The following ARSK variants were observed in gnomAD, a reference collection of about 807,000 sequenced individuals.
ARSK encodes arylsulfatase K.
Under a neutral mutation model 53.2 loss-of-function variants are expected in ARSK, and 37 were observed. The ratio of observed to expected loss-of-function variants is 0.70; its 90% confidence interval spans 0.54 to 0.92. The LOEUF (loss-of-function observed/expected upper bound fraction) is 0.92. ARSK is among the 40% of genes least tolerant of loss of function. The probability of loss-of-function intolerance (pLI) is 0.00; values close to 1 mark genes in which losing one functional copy is unlikely to be tolerated. For synonymous variants in ARSK, 208 were observed against 223.2 expected, an observed-to-expected ratio of 0.93 and a Z score of 0.61; for missense variants, 613 against 643.0, an observed-to-expected ratio of 0.95 and a Z score of 0.51.
chr5:95,560,570 A>G (rs999559540), intron 1 of ARSK, among the ~76,000 whole-genome samples: 6 of 152,118 alleles, frequency 3.9e-5, no homozygotes, highest in Non-Finnish European at 8.8e-5. Context: ...TTTTTTAACA[A>G]GGGTGCCAAG....
At position 95,582,982 on chromosome 5, in the gene ARSK, T is replaced by TA; in HGVS notation, c.485dup (p.Asn162LysfsTer5). ...TCAGACAAGAAGGCAGGCCCATGGT[T>TA]AATCTTATCCGTAACAGGACTAAAG... is the stretch of plus-strand genomic sequence containing the variant. On this transcript the variant is annotated frameshift_variant, in exon 4 of 8. Coordinates refer to ENST00000380009, the MANE Select transcript of ARSK (RefSeq NM_198150.3). LOFTEE classifies it high-confidence loss of function. The TA allele has an allele frequency of 6.2e-7, 1 of 1,613,816 alleles. No individual in the cohort carries two copies. Among genetic ancestry groups the TA allele is most frequent in the South Asian group, 1.1e-5 (1 of 91,050 alleles).
chr5:95,573,008 A>G (rs1748861187), intron 3 of ARSK, among the ~76,000 whole-genome samples: 1 of 152,148 alleles, frequency 6.6e-6, no homozygotes, highest in Non-Finnish European at 1.5e-5. Flanking sequence ...GGTTGCTGCT[A>G]AACAGTCTAT....
chr5:95,580,524 T>A (rs1749004802), intron 3 of ARSK, among the ~76,000 whole-genome samples: 1 of 152,228 alleles, frequency 6.6e-6, no homozygotes, highest in African/African-American at 2.4e-5. Flanking sequence ...TAATAGATTA[T>A]GAAGTTGCAT....
chr5:95,596,635 C>T (rs531772209), intron 6 of ARSK, among the ~76,000 whole-genome samples: 4 of 152,082 alleles, frequency 2.6e-5, no homozygotes, highest in African/African-American at 9.6e-5. Context: ...AAAACTCAAG[C>T]GATATTTCCT....
At chr5:95,597,651 T>C (rs1415797440) in intron 6 of ARSK, among the ~76,000 whole-genome samples, 1 of 152,102 alleles carries the variant, frequency 6.6e-6, no homozygotes, top group African/African-American at 2.4e-5. Context: ...CCCAGCACTT[T>C]GGGAGGCCAG....
intron 3 of ARSK, among the ~76,000 whole-genome samples, chr5:95,571,323 A>G (rs1461605076): frequency 6.6e-6 from 1 of 152,246 alleles, no homozygotes; most frequent in African/African-American, 2.4e-5. Flanking sequence ...ATCCATGCAG[A>G]GCAAAGACCT....
rs1284675718 is a variant in ARSK, at chr5:95,568,041, C to T, written c.408C>T (p.His136=). ...FGKLDYTSGH[H]SISNRVEAWT... is the part of the protein sequence containing the mutation. ...AACTGGACTATACTTCAGGACATCA[C>T]TCCATTAGGTAAAAATAAAACAAAA... The change falls in exon 3 of 8, where the codon CAC becomes CAT. Residue 136 remains histidine (H), a synonymous_variant. Coordinates refer to ENST00000380009, the MANE Select transcript of ARSK (RefSeq NM_198150.3). 1.2e-6 allele frequency: 2 copies of T among 1,613,026 alleles called. No homozygotes were observed. The highest frequency in any genetic ancestry group is 1.7e-6 in the Non-Finnish European group (2 of 1,179,536).
Position 95,600,345 on chromosome 5 carries a change from T to G in ARSK, c.1097-502T>G, listed in dbSNP as rs376466571. On this transcript the variant is annotated intron_variant, in intron 6 of 7. Transcript: ENST00000380009. ...TAAATTTACATCTACAACAAACTTA[T>G]GTATTTAATTTTGTTTAACCATTGT... Among the ~76,000 whole-genome samples, 28 of 152,334 alleles carry G rather than the reference T, an allele frequency of 1.8e-4. No individual in the cohort carries two copies. In the East Asian group the frequency reaches 5.4e-3, roughly 29 times the overall value.
intron 3 of ARSK, among the ~76,000 whole-genome samples, chr5:95,579,011 G>A (rs1384383426): frequency 6.6e-6 from 1 of 152,122 alleles, no homozygotes; most frequent in Non-Finnish European, 1.5e-5. Context: ...GCTGATTGTT[G>A]GTTAGTATAT....
chr5:95,555,473 T>A lies in ARSK; in HGVS notation c.126+69T>A. On this transcript the variant is annotated intron_variant, in intron 1 of 7. Coordinates refer to ENST00000380009, the MANE Select transcript of ARSK (RefSeq NM_198150.3). This position sits in a 1 kb window ranked among gnomAD's most constrained non-coding sequence, Gnocchi z 4.0. ...GCGACCTCACCGCCGCCGCCTGTGC[T>A]GCAGGCTTTGGGGAGCAGAACCTGA... The A allele has an allele frequency of 6.6e-7, 1 of 1,515,890 alleles. No individual in the cohort carries two copies. The highest frequency in any genetic ancestry group is 8.9e-7 in the Non-Finnish European group (1 of 1,125,520). The allele number at this position is 1,515,890 out of a possible 1,614,324, so 93.9% of individuals were successfully genotyped here. A position where few individuals can be genotyped will look rare whatever the true frequency, so the allele number is the denominator to read the frequency against.
At chr5:95,589,513 G>A (rs1749177710) in intron 5 of ARSK, among the ~76,000 whole-genome samples, 2 of 152,306 alleles carry the variant, frequency 1.3e-5, no homozygotes, top group East Asian at 1.9e-4. Flanking sequence ...CCACTTATAA[G>A]TGAGAACATG....
chr5:95,562,475 G>A (rs1748659766), intron 1 of ARSK, among the ~76,000 whole-genome samples: 1 of 152,178 alleles, frequency 6.6e-6, no homozygotes, highest in African/African-American at 2.4e-5. Flanking sequence ...AAGCAGTCTT[G>A]CCATGCTGAC....
intron 2 of ARSK, among the ~76,000 whole-genome samples, chr5:95,566,870 G>A (rs1371125949): frequency 6.6e-6 from 1 of 152,120 alleles, no homozygotes; most frequent in Non-Finnish European, 1.5e-5. Flanking sequence ...TGTGATTTGA[G>A]TTATAACTTC....
chr5:95,564,556 C>T (rs1415759108), intron 1 of ARSK, among the ~76,000 whole-genome samples: 1 of 152,120 alleles, frequency 6.6e-6, no homozygotes. Flanking sequence ...ACTTTCCTGC[C>T]TCCCATTCCT....
intron 4 of ARSK, among the ~76,000 whole-genome samples, chr5:95,584,114 C>T (rs1019135369): frequency 6.6e-6 from 1 of 152,144 alleles, no homozygotes; most frequent in African/African-American, 2.4e-5. Flanking sequence ...GTCACTTTTC[C>T]TTTTTTTACT....
rs146508769 is a variant in ARSK at position 95,582,923 on chromosome 5, G to T, written c.424G>T (p.Val142Leu). The change falls in exon 4 of 8, where the codon GTG becomes TTG. Residue 142 changes from valine (V) to leucine (L), a missense_variant. Val to Leu is a conservative substitution (Grantham distance 32, BLOSUM62 1). Coordinates refer to ENST00000380009, the MANE Select transcript of ARSK (RefSeq NM_198150.3). ...GTCTTTTTGCCCCCTCAGTAATCGT[G>T]TGGAAGCGTGGACAAGAGATGTTGC... ...TSGHHSISNR[V>L]EAWTRDVAFL... is the part of the protein sequence containing the mutation. The T allele has an allele frequency of 1.9e-6, 3 of 1,605,176 alleles. No individual in the cohort carries two copies. In the African/African-American group the frequency reaches 4.0e-5, roughly 21 times the overall value.
At chr5:95,588,215 T>C (rs1214245516) in intron 5 of ARSK, among the ~76,000 whole-genome samples, 1 of 151,814 alleles carries the variant, frequency 6.6e-6, no homozygotes, top group Non-Finnish European at 1.5e-5. Flanking sequence ...AGTTACAAAA[T>C]TTATGGAATA....
At chr5:95,570,814 C>T (rs1748816212) in intron 3 of ARSK, among the ~76,000 whole-genome samples, 1 of 150,180 alleles carries the variant, frequency 6.7e-6, no homozygotes, top group Admixed American at 6.6e-5. Context: ...CACAGTCTCG[C>T]TCTGTCACCC....
intron 6 of ARSK, among the ~76,000 whole-genome samples, chr5:95,594,190 C>G (rs1749263690): frequency 6.6e-6 from 1 of 152,102 alleles, no homozygotes; most frequent in Non-Finnish European, 1.5e-5. Flanking sequence ...CTGAAACATT[C>G]TATTAACCAG....
Sources: allele counts gnomAD v4.1 joint callset (sites outside exome capture counted in the v4.1 genomes callset), GRCh38; gene constraint gnomAD v4.1.1; non-coding constraint Gnocchi (gnomAD v3.1); transcripts MANE v1.5; gene names NCBI Gene and HGNC (gene_info 2026-07-23, HGNC 2026-07-21).